OLR1: variants seen among roughly 807,000 people sequenced by gnomAD.
OLR1 encodes oxidized low-density lipoprotein receptor 1.
Under a neutral mutation model 31.7 loss-of-function variants are expected in OLR1, and 23 were observed. The observed-to-expected ratio is 0.72, with a 90% CI of 0.52 to 1.03. The LOEUF (loss-of-function observed/expected upper bound fraction) is 1.03. Ranked by LOEUF, OLR1 falls within the 50% of genes least tolerant of loss-of-function variation. The pLI, the probability that OLR1 is intolerant of heterozygous loss-of-function variation, is 0.00. For synonymous variants in OLR1, 117 were observed against 115.8 expected (o/e 1.01, Z -0.07); for missense variants, 286 against 315.7 (o/e 0.91, Z 0.71).
Position 10,159,283 on chromosome 12 carries a change from CAA to C in OLR1, c.*595_*596del, listed in dbSNP as rs1948599288. 1.0e-5 allele frequency: 1 copy of C among 98,410 alleles called. No homozygotes were observed. The highest frequency in any genetic ancestry group is 2.1e-5 in the Non-Finnish European group (1 of 47,088). The allele number at this position is 98,410 out of a possible 1,614,324, so 6.1% of individuals were successfully genotyped here. A position where few individuals can be genotyped will look rare whatever the true frequency, so the allele number is the denominator to read the frequency against. On this transcript the variant is annotated 3_prime_UTR_variant, in exon 6 of 6. Transcript: ENST00000309539. The stretch of plus-strand genomic sequence containing the variant: ...ACTTTCTTGGGCTCCCCACTTGTCC[CAA>C]AATGTGTGTGTGTGTGTGTGTGTGT...
At chr12:10,160,133 T>C in intron 5 of OLR1, 112 bp from the exon 6 acceptor site, 1 of 1,204,014 alleles carries the variant, frequency 8.3e-7, no homozygotes, top group Non-Finnish European at 1.2e-6. Context: ...CAATCAGTAA[T>C]AAATGTGGGA....
intron 3 of OLR1, among the ~76,000 whole-genome samples, chr12:10,164,343 T>G (rs34741193): frequency 0.023 from 3,453 of 152,350 alleles, 143 homozygotes; most frequent in African/African-American, 0.078. Context: ...TGCTAAAAAT[T>G]ATTTTGTTCA....
In OLR1 at chr12:10,160,799, C is replaced by A. The variant is rs761172569; in HGVS notation, c.551G>T (p.Ser184Ile). 10 of 1,614,104 alleles carry A rather than the reference C, an allele frequency of 6.2e-6. No individual in the cohort carries two copies. In the South Asian group the frequency reaches 1.1e-4, roughly 18 times the overall value. The part of the protein sequence containing the change: ...SLDAKLLKIN[S>I]TADLDFIQQA... ...ATGAACACTCACCAGATCAGCTGTG[C>A]TATTAATTTTCAGCAACTTGGCATC... The change falls in exon 4 of 6, where the codon AGC becomes ATC. Residue 184 changes from serine (S) to isoleucine (I), a missense_variant. Transcript: ENST00000309539.
upstream of OLR1, among the ~76,000 whole-genome samples, chr12:10,172,676 G>A (rs1022340250): frequency 3.9e-5 from 6 of 152,222 alleles, no homozygotes; most frequent in Non-Finnish European, 1.5e-5. Flanking sequence ...AGTTCATGCA[G>A]TGCCAGTGTA....
chr12:10,175,939 G>A (rs1490239771), upstream of OLR1, among the ~76,000 whole-genome samples: 2 of 152,208 alleles, frequency 1.3e-5, no homozygotes, highest in Non-Finnish European at 2.9e-5. Context: ...GGCTACACTT[G>A]TTACACCAGT....
At chr12:10,173,326 G>T (rs1948739028), upstream of OLR1, among the ~76,000 whole-genome samples, 1 of 151,890 alleles carries the variant, frequency 6.6e-6, no homozygotes, top group African/African-American at 2.4e-5. Context: ...GCAAAGAAAA[G>T]AATACACAAA....
chr12:10,161,582 T>G (rs1948619789), intron 3 of OLR1, among the ~76,000 whole-genome samples: 1 of 152,148 alleles, frequency 6.6e-6, no homozygotes, highest in African/African-American at 2.4e-5. Flanking sequence ...TAAAACAAAT[T>G]ATTTTAATTG....
chr12:10,163,800 A>G (rs774381475), intron 3 of OLR1, among the ~76,000 whole-genome samples: 107 of 152,124 alleles, frequency 7.0e-4, no homozygotes, highest in Middle Eastern at 3.4e-3. Flanking sequence ...GCGTGGTGGC[A>G]GGCGCCTGTA....
intron 4 of OLR1, 38 bp from the exon 5 acceptor site, chr12:10,160,500 A>T: frequency 2.0e-6 from 3 of 1,499,478 alleles, no homozygotes; most frequent in Non-Finnish European, 2.8e-6. Flanking sequence ...TGGAATCCAC[A>T]TGGTGGTTTT....
chr12:10,169,268 T>A lies in OLR1; in HGVS notation c.77-93A>T, dbSNP rs150758547. ...AGCCTGTCTGTACTTGGTGATTTAC[T>A]CTGTTTATGTTTTAGTAAATAGACA... On this transcript the variant is annotated intron_variant, in intron 1 of 5. Coordinates refer to ENST00000309539, the MANE Select transcript of OLR1 (RefSeq NM_002543.4). 7.9e-5 allele frequency: 64 copies of A among 806,038 alleles called. No individual in the cohort carries two copies. The African/African-American group carries it at 8.1e-4, about 10-fold the overall frequency. 49.9% of individuals were successfully genotyped at this position (806,038 alleles called of 1,614,324 possible). A position where few individuals can be genotyped will look rare whatever the true frequency, so the allele number is the denominator to read the frequency against.
At chr12:10,160,534 T>G (rs1948611486) in intron 4 of OLR1, 72 bp from the exon 5 acceptor site, 1 of 1,278,626 alleles carries the variant, frequency 7.8e-7, no homozygotes, top group African/African-American at 1.5e-5. Context: ...CAGTTAGTGT[T>G]GGATCCACAA....
Position 10,160,555 on chromosome 12 carries a change from C to A in OLR1, c.565-93G>T, listed in dbSNP as rs575777832. The stretch of plus-strand genomic sequence containing the variant: ...GTGTTGGATCCACAAAACTAAAGAA[C>A]CAAAAGGTATCTTTGACATCCCCTT... On this transcript the variant is annotated intron_variant, in intron 4 of 5. Coordinates refer to ENST00000309539, the MANE Select transcript of OLR1 (RefSeq NM_002543.4). 9.2e-6 allele frequency: 10 copies of A among 1,085,622 alleles called. No homozygotes were observed. The Admixed American group carries it at 1.1e-4, about 12-fold the overall frequency. 67.2% of individuals were successfully genotyped at this position (1,085,622 alleles called of 1,614,324 possible).
At position 10,159,643 on chromosome 12, in the gene OLR1, T is replaced by G; in HGVS notation, c.*237A>C. On this transcript the variant is annotated 3_prime_UTR_variant, in exon 6 of 6. Coordinates refer to ENST00000309539, the MANE Select transcript of OLR1 (RefSeq NM_002543.4). ...TTAAAATAAAAAGGGGAAAATGGAC[T>G]TCAGGCTGGCAGGGAAGCTTGGGAC... 2.7e-6 allele frequency: 1 copy of G among 368,480 alleles called. No individual in the cohort carries two copies. The highest frequency in any genetic ancestry group is 5.0e-6 in the Non-Finnish European group (1 of 198,750). The allele number at this position is 368,480 out of a possible 1,614,324, so 22.8% of individuals were successfully genotyped here. A position where few individuals can be genotyped will look rare whatever the true frequency, so the allele number is the denominator to read the frequency against.
chr12:10,164,747 G>A (rs1404425368), intron 3 of OLR1, among the ~76,000 whole-genome samples: 1 of 152,182 alleles, frequency 6.6e-6, no homozygotes, highest in Non-Finnish European at 1.5e-5. Context: ...ACTGCAGAAA[G>A]ACCAAATAAT....
At chr12:10,165,986 G>T (rs1052384644) in intron 3 of OLR1, among the ~76,000 whole-genome samples, 2 of 152,032 alleles carry the variant, frequency 1.3e-5, no homozygotes, top group African/African-American at 4.8e-5. Context: ...TGAGGCAGGC[G>T]GATGACTTGA....
At chr12:10,171,170 A>C (rs1257152862) in intron 1 of OLR1, among the ~76,000 whole-genome samples, 4 of 152,208 alleles carry the variant, frequency 2.6e-5, no homozygotes, top group Non-Finnish European at 5.9e-5. Flanking sequence ...AAATCACTCC[A>C]TGCTCACACT....
In OLR1 at chr12:10,159,768, G is replaced by T; in HGVS notation, c.*112C>A. The stretch of plus-strand genomic sequence containing the variant: ...TTTCTGCAAAGGAGTTCTGCAGCCA[G>T]CTAAATGACAGTTTTCTGGGCTCTC... On this transcript the variant is annotated 3_prime_UTR_variant, in exon 6 of 6. Transcript: ENST00000309539. 9.2e-7 allele frequency: 1 copy of T among 1,091,064 alleles called. No individual in the cohort carries two copies. Among genetic ancestry groups the T allele is most frequent in the African/African-American group, 1.6e-5 (1 of 64,270 alleles). The allele number at this position is 1,091,064 out of a possible 1,614,324, so 67.6% of individuals were successfully genotyped here. A position where few individuals can be genotyped will look rare whatever the true frequency, so the allele number is the denominator to read the frequency against.
At chr12:10,161,924 G>GATATATAT (rs34054558) in intron 3 of OLR1, among the ~76,000 whole-genome samples, 4,001 of 67,814 alleles carry the variant, frequency 0.059, 83 homozygotes, top group Non-Finnish European at 0.089. Context: ...AAATTTTAAT[G>GATATATAT]ATATATATAT....
At position 10,159,913 on chromosome 12, in the gene OLR1, T is replaced by A. The variant is rs1350439609; in HGVS notation, c.789A>T (p.Ile263=). Residue 263 remains isoleucine (I), a synonymous_variant, in exon 6 of 6, where the codon ATA becomes ATT. Coordinates refer to ENST00000309539, the MANE Select transcript of OLR1 (RefSeq NM_002543.4). ...CTCTTAGGTTTGCCTTCTTCTGACA[T>A]ATACTGAAGGCAGCTAAAATGCAGT... ...AENCILAAFS[I]CQKKANLRAQ is the part of the protein sequence containing the mutation. The A allele has an allele frequency of 6.2e-7, 1 of 1,613,954 alleles. No homozygotes were observed. The highest frequency in any genetic ancestry group is 8.5e-7 in the Non-Finnish European group (1 of 1,179,950).
Sources: gnomAD v4.1 joint callset for allele counts (sites outside exome capture counted in the v4.1 genomes callset) on GRCh38, gnomAD v4.1.1 for gene constraint, MANE v1.5 for transcripts, NCBI Gene and HGNC (gene_info 2026-07-23, HGNC 2026-07-21) for gene names.